SPMIP6: variants seen among roughly 807,000 people sequenced by gnomAD.
SPMIP6 encodes the protein sperm microtubule inner protein 6.
At chr9:34,379,136 G>C in the SPMIP6 span, 4 of 1,613,928 alleles carry the variant, frequency 2.5e-6, no homozygotes, top group Non-Finnish European at 3.4e-6. This position sits in a 1 kb window ranked among gnomAD's most constrained non-coding sequence, Gnocchi z 4.2. Flanking sequence ...TAACATAGTT[G>C]TTTCTCTGGG....
the SPMIP6 span, among the ~76,000 whole-genome samples, chr9:34,388,485 AT>A: frequency 6.6e-6 from 1 of 151,810 alleles, no homozygotes; most frequent in Non-Finnish European, 1.5e-5. Flanking sequence ...AATAATCCTT[AT>A]TTTTGCCTTG....
the SPMIP6 span, chr9:34,382,889 A>G: frequency 2.7e-4 from 390 of 1,466,330 alleles, no homozygotes; most frequent in Non-Finnish European, 2.7e-4. Context: ...AGGGGTGGAG[A>G]TGTCAAATAG....
At chr9:34,389,543 C>A in the SPMIP6 span, among the ~76,000 whole-genome samples, 1 of 152,028 alleles carries the variant, frequency 6.6e-6, no homozygotes, top group African/African-American at 2.4e-5. Flanking sequence ...CCATGCCCTG[C>A]CAATTTTTGT....
the SPMIP6 span, among the ~76,000 whole-genome samples, chr9:34,397,022 C>G: frequency 6.6e-6 from 1 of 152,164 alleles, no homozygotes; most frequent in Non-Finnish European, 1.5e-5. Flanking sequence ...TAAAGGCATG[C>G]ATATAGGACA....
chr9:34,381,312 C>A, the SPMIP6 span: 1 of 1,610,388 alleles, frequency 6.2e-7, no homozygotes, highest in Non-Finnish European at 8.5e-7. This position sits in a 1 kb window ranked among gnomAD's most constrained non-coding sequence, Gnocchi z 4.4. Flanking sequence ...GCCCTCCTCC[C>A]GGCCTTCCCC....
the SPMIP6 span, chr9:34,397,648 G>T: frequency 2.5e-6 from 4 of 1,579,966 alleles, no homozygotes; most frequent in East Asian, 6.8e-5. Context: ...TGGTCTTGGA[G>T]ATGCCGTGGT....
chr9:34,385,535 C>CAAAAAAA, the SPMIP6 span: 54 of 296,956 alleles, frequency 1.8e-4, no homozygotes, highest in South Asian at 4.0e-4. Flanking sequence ...AACTCCGTCT[C>CAAAAAAA]AAAAAAAAAA....
At chr9:34,383,864 T>C in the SPMIP6 span, among the ~76,000 whole-genome samples, 2 of 152,228 alleles carry the variant, frequency 1.3e-5, no homozygotes, top group Admixed American at 1.3e-4. Flanking sequence ...ATGATTATTC[T>C]ACTGTTATCC....
chr9:34,397,648 G>A, the SPMIP6 span: 3 of 1,580,084 alleles, frequency 1.9e-6, no homozygotes, highest in Non-Finnish European at 2.6e-6. Flanking sequence ...TGGTCTTGGA[G>A]ATGCCGTGGT....
chr9:34,380,817 C>T, the SPMIP6 span: 6 of 1,522,636 alleles, frequency 3.9e-6, no homozygotes, highest in South Asian at 3.7e-5. Context: ...CGGAAGCTGG[C>T]CGGGCTGGAA....
the SPMIP6 span, among the ~76,000 whole-genome samples, chr9:34,392,378 G>A: frequency 6.6e-6 from 1 of 151,574 alleles, no homozygotes; most frequent in African/African-American, 2.4e-5. The surrounding 1 kb of genome is among the most constrained non-coding windows in gnomAD (Gnocchi z 4.6). Context: ...ATACAAGTTT[G>A]TAATTATAAT....
the SPMIP6 span, chr9:34,397,481 C>T: frequency 6.2e-7 from 1 of 1,613,902 alleles, no homozygotes; most frequent in Non-Finnish European, 8.5e-7. Context: ...TGCCCCTCCC[C>T]ACCAATCTCC....
At chr9:34,381,582 T>A in the SPMIP6 span, 1 of 1,476,488 alleles carries the variant, frequency 6.8e-7, no homozygotes, top group Non-Finnish European at 9.0e-7. The surrounding 1 kb of genome is among the most constrained non-coding windows in gnomAD (Gnocchi z 4.4). Flanking sequence ...TCTCCAGGGC[T>A]CTGTGTTGGC....
the SPMIP6 span, chr9:34,380,800 G>A: frequency 5.2e-6 from 8 of 1,535,458 alleles, no homozygotes; most frequent in East Asian, 2.5e-5. Context: ...CAGGCTGGGG[G>A]CCTGCACGGA....
At chr9:34,379,698 G>A in the SPMIP6 span, 6 of 1,614,130 alleles carry the variant, frequency 3.7e-6, no homozygotes, top group Non-Finnish European at 3.4e-6. This position sits in a 1 kb window ranked among gnomAD's most constrained non-coding sequence, Gnocchi z 4.2. Flanking sequence ...ACAGCACACT[G>A]CATTCCGGGC....
the SPMIP6 span, among the ~76,000 whole-genome samples, chr9:34,394,966 C>CTTTT: frequency 6.9e-6 from 1 of 144,214 alleles, no homozygotes; most frequent in Admixed American, 6.9e-5. Flanking sequence ...TTCCTTCATT[C>CTTTT]TTTTTTTTTT....
the SPMIP6 span, chr9:34,382,637 G>A: frequency 5.3e-6 from 4 of 751,438 alleles, no homozygotes; most frequent in East Asian, 9.9e-5. Context: ...GAGCTCTGGG[G>A]CATTTGTTGG....
the SPMIP6 span, among the ~76,000 whole-genome samples, chr9:34,386,701 C>G: frequency 1.3e-5 from 2 of 152,180 alleles, no homozygotes; most frequent in Non-Finnish European, 2.9e-5. Flanking sequence ...TTGGCCTGGT[C>G]CTCACCCTAC....
chr9:34,390,049 G>T, the SPMIP6 span: 1 of 151,736 alleles, frequency 6.6e-6, no homozygotes, highest in Admixed American at 6.6e-5. Flanking sequence ...CCTTGGACCA[G>T]CCAATTTGTA....
Sources: gnomAD v4.1 joint callset for allele counts (sites outside exome capture counted in the v4.1 genomes callset) on GRCh38, gnomAD v4.1.1 for gene constraint, Gnocchi (gnomAD v3.1) non-coding constraint, MANE v1.5 for transcripts, NCBI Gene and HGNC (gene_info 2026-07-23, HGNC 2026-07-21) for gene names.